ASPSCR1: variants seen among roughly 807,000 people sequenced by gnomAD.
The protein encoded by ASPSCR1 is ASPSCR1 tether for SLC2A4, UBX domain containing.
A neutral mutation model predicts 68.9 loss-of-function variants in ASPSCR1; 55 were observed. That is an observed-to-expected ratio of 0.80 (90% CI 0.64 to 1.00). The LOEUF (loss-of-function observed/expected upper bound fraction) is 1.00, where lower values mean the gene tolerates loss of function less well. Ranked by LOEUF, ASPSCR1 falls within the 50% of genes least tolerant of loss-of-function variation. ASPSCR1 has a pLI of 0.00. For synonymous variants in ASPSCR1, 352 were observed against 332.6 expected, an observed-to-expected ratio of 1.06 and a Z score of -0.63; for missense variants, 765 against 762.2, an observed-to-expected ratio of 1.00 and a Z score of -0.04.
At position 81,996,075 on chromosome 17, in the gene ASPSCR1, GTGC is replaced by G. The variant is rs1372444330; in HGVS notation, c.506+16_506+18del. On this transcript the variant is annotated intron_variant, in intron 6 of 15. Coordinates refer to ENST00000306739, the MANE Select transcript of ASPSCR1 (RefSeq NM_024083.4). ...GCAGCGCCACCATCAGGTAAGGGCA[GTGC>G]TGCTGGGGCCGAGGAGTCTATTTAG... is the stretch of plus-strand genomic sequence containing the variant. 3 of 1,598,518 alleles carry G rather than the reference GTGC, an allele frequency of 1.9e-6. No homozygotes were observed. The highest frequency in any genetic ancestry group is 2.6e-6 in the Non-Finnish European group (3 of 1,174,246).
In ASPSCR1 at chr17:82,012,425, G is replaced by A. The variant is rs545136983; in HGVS notation, c.1353+142G>A. 24 of 994,140 alleles carry A rather than the reference G, an allele frequency of 2.4e-5. No individual in the cohort carries two copies. In the East Asian group the frequency reaches 4.0e-4, roughly 17 times the overall value. 61.6% of individuals were successfully genotyped at this position (994,140 alleles called of 1,614,324 possible). On this transcript the variant is annotated intron_variant, in intron 12 of 15. Transcript: ENST00000306739. The stretch of plus-strand genomic sequence containing the variant: ...AAGCCTTTGAGAGCCGGTGGGTTCC[G>A]AGGGGGCCGTGCGCCTCTGAAGTTG...
At chr17:81,994,780 C>T in intron 4 of ASPSCR1, 41 bp from the exon 5 acceptor site, 1 of 1,600,398 alleles carries the variant, frequency 6.2e-7, no homozygotes. Flanking sequence ...ACTGGTTGAG[C>T]TGCCCTGGGG....
chr17:81,981,504 G>A (rs1374106935), intron 2 of ASPSCR1, among the ~76,000 whole-genome samples: 4 of 152,120 alleles, frequency 2.6e-5, no homozygotes, highest in African/African-American at 7.2e-5. Context: ...TCAGCCTCCC[G>A]AGTAGCTGGG....
In ASPSCR1 at chr17:81,996,566, C is replaced by A. The variant is rs367747020; in HGVS notation, c.653C>A (p.Ala218Glu). The A allele has an allele frequency of 2.5e-6, 4 of 1,612,892 alleles. No individual in the cohort carries two copies. The Admixed American group carries it at 6.7e-5, about 27-fold the overall frequency. ...SRGDLSRPED[A>E]DTSGPCCEHT... is the part of the protein sequence containing the mutation. ...GGCGACTTGAGCCGTCCGGAGGACG[C>A]GGACACCTCAGGGCCCTGCTGCGAG... Residue 218 changes from alanine to glutamate, a missense_variant, in exon 7 of 16, where the codon GCG becomes GAG. By Grantham distance (107) the Ala-to-Glu change is moderately radical (BLOSUM62 -1). Transcript: ENST00000306739.
chr17:82,012,635 C>G (rs966404391), intron 12 of ASPSCR1, among the ~76,000 whole-genome samples: 1 of 152,174 alleles, frequency 6.6e-6, no homozygotes, highest in South Asian at 2.1e-4. Context: ...CGGCAGGCCT[C>G]GGAGCAGGGC....
intron 3 of ASPSCR1, among the ~76,000 whole-genome samples, chr17:81,985,144 C>T (rs138448677): frequency 1.3e-5 from 2 of 148,778 alleles, no homozygotes; most frequent in African/African-American, 2.5e-5. Flanking sequence ...ACACGCACAT[C>T]TGCACGCACA....
intron 6 of ASPSCR1, 152 bp from the exon 7 acceptor site, chr17:81,996,268 G>A: frequency 6.4e-6 from 9 of 1,416,252 alleles, no homozygotes; most frequent in Non-Finnish European, 8.4e-6. Flanking sequence ...CAGAGGGGCG[G>A]TGGATCTTGG....
rs1407739794 is a variant in ASPSCR1, at chr17:82,008,943, G to A, written c.934-94G>A. ...GGGAGGGAGTGGGCCCAGCTCCCAA[G>A]TCTGTGTGACCACCTCGGCTGGGGC... On this transcript the variant is annotated intron_variant, in intron 7 of 15. Coordinates refer to ENST00000306739, the MANE Select transcript of ASPSCR1 (RefSeq NM_024083.4). 2.8e-6 allele frequency: 4 copies of A among 1,407,164 alleles called. No homozygotes were observed. The Admixed American group carries it at 1.2e-4, about 41-fold the overall frequency. 87.2% of individuals were successfully genotyped at this position (1,407,164 alleles called of 1,614,324 possible). A position where few individuals can be genotyped will look rare whatever the true frequency, so the allele number is the denominator to read the frequency against.
At chr17:81,984,406 G>A (rs1403064907) in intron 3 of ASPSCR1, among the ~76,000 whole-genome samples, 3 of 151,916 alleles carry the variant, frequency 2.0e-5, no homozygotes, top group South Asian at 2.1e-4. Context: ...ATGAAACCCC[G>A]TCTCTACTAA....
intron 7 of ASPSCR1, among the ~76,000 whole-genome samples, chr17:82,003,976 G>T (rs1005277212): frequency 6.6e-6 from 1 of 152,358 alleles, no homozygotes; most frequent in South Asian, 2.1e-4. Context: ...AGGCCGGGCC[G>T]AGACGGTGGG....
intron 4 of ASPSCR1, among the ~76,000 whole-genome samples, chr17:81,993,718 C>T (rs956095279): frequency 6.6e-6 from 1 of 152,280 alleles, no homozygotes; most frequent in Non-Finnish European, 1.5e-5. Flanking sequence ...TCCCAGTACC[C>T]CCCATCCCGG....
rs2042006358 is a variant in ASPSCR1, at chr17:81,986,784, T to G, written c.374+1177T>G. On this transcript the variant is annotated intron_variant, in intron 4 of 15. Coordinates refer to ENST00000306739, the MANE Select transcript of ASPSCR1 (RefSeq NM_024083.4). The surrounding 1 kb of genome is among the most constrained non-coding windows in gnomAD (Gnocchi z 5.2). Reference sequence around the variant, plus strand: ...GTGACTGTGCGTTGGGCGCGCTTGGTGGCCCCAGGGCTGGGCCTGCTCCCG... The same window carrying G: ...GTGACTGTGCGTTGGGCGCGCTTGGGGGCCCCAGGGCTGGGCCTGCTCCCG... Among the ~76,000 whole-genome samples the G allele has an allele frequency of 7.6e-6, 1 of 132,044 alleles. No homozygotes were observed. Among genetic ancestry groups the G allele is most frequent in the Admixed American group, 7.0e-5 (1 of 14,206 alleles). 86.6% of individuals were successfully genotyped at this position (132,044 alleles called of 152,430 possible). A position where few individuals can be genotyped will look rare whatever the true frequency, so the allele number is the denominator to read the frequency against.
At chr17:82,000,882 GGACGCCAGTCCCAGCA>G (rs1383707732) in intron 7 of ASPSCR1, among the ~76,000 whole-genome samples, 2 of 152,270 alleles carry the variant, frequency 1.3e-5, no homozygotes, top group Middle Eastern at 3.4e-3. Context: ...TGCTGGGCTG[GGACGCCAGTCCCAGCA>G]GACGCCCCCC....
At chr17:82,003,725 T>C (rs2042612181) in intron 7 of ASPSCR1, among the ~76,000 whole-genome samples, 1 of 152,228 alleles carries the variant, frequency 6.6e-6, no homozygotes, top group Non-Finnish European at 1.5e-5. Context: ...TGTGCATGCC[T>C]GTCCACGCCG....
intron 4 of ASPSCR1, 121 bp downstream of exon 4, chr17:81,985,728 C>G (rs960678883): frequency 6.3e-6 from 6 of 955,820 alleles, no homozygotes; most frequent in Non-Finnish European, 9.5e-6. Context: ...TGCCTCTTGG[C>G]ACTTTGCAGT....
chr17:81,988,412 G>A (rs534579518), intron 4 of ASPSCR1, among the ~76,000 whole-genome samples: 100 of 148,724 alleles, frequency 6.7e-4, no homozygotes, highest in African/African-American at 2.3e-3. Context: ...CTGAGATTGC[G>A]CCACTGCACT....
rs757613960 is a variant in ASPSCR1 at position 81,983,632 on chromosome 17, G to T, written c.237G>T (p.Val79=). Residue 79 remains valine, a synonymous_variant, in exon 3 of 16, where the codon GTG becomes GTT. Transcript: ENST00000306739. The surrounding 1 kb of genome is among the most constrained non-coding windows in gnomAD (Gnocchi z 4.4). The part of the protein sequence containing the change: ...NLPNNAKLEM[V]PASRSREGPE... Reference sequence around the variant, plus strand: ...CCAACAATGCCAAGCTGGAGATGGTGCCCGCTTCCCGGAGCCGTGAGGGGC... The same window carrying T: ...CCAACAATGCCAAGCTGGAGATGGTTCCCGCTTCCCGGAGCCGTGAGGGGC... 12 of 1,613,338 alleles carry T rather than the reference G, an allele frequency of 7.4e-6. No individual in the cohort carries two copies. In the South Asian group the frequency reaches 1.2e-4, roughly 16 times the overall value.
intron 1 of ASPSCR1, 115 bp from the exon 2 acceptor site, chr17:81,979,069 C>G (rs531595718): frequency 8.9e-5 from 99 of 1,116,844 alleles, no homozygotes; most frequent in Non-Finnish European, 1.3e-4. Flanking sequence ...CTTGGCTTTG[C>G]CTGGGCAGAG....
intron 9 of ASPSCR1, 137 bp from the exon 10 acceptor site, chr17:82,010,665 C>G: frequency 1.2e-6 from 1 of 857,772 alleles, no homozygotes; most frequent in Non-Finnish European, 1.9e-6. Flanking sequence ...AAAGCCCAGG[C>G]CCTGATTGGG....
Sources: allele counts gnomAD v4.1 joint callset (sites outside exome capture counted in the v4.1 genomes callset), GRCh38; gene constraint gnomAD v4.1.1; non-coding constraint Gnocchi (gnomAD v3.1); transcripts MANE v1.5; gene names NCBI Gene and HGNC (gene_info 2026-07-23, HGNC 2026-07-21).